LRRC4C: variants seen among roughly 807,000 people sequenced by gnomAD.
LRRC4C encodes the protein leucine rich repeat containing 4C, also known as leucine-rich repeat-containing protein 4C.
In LRRC4C, 5 loss-of-function variants were observed where a neutral mutation model predicts 33.6. The observed-to-expected ratio is 0.15, with a 90% CI of 0.08 to 0.31. LRRC4C has a LOEUF of 0.31. Ranked by LOEUF, LRRC4C falls within the 10% of genes least tolerant of loss-of-function variation. The pLI, the probability that LRRC4C is intolerant of heterozygous loss-of-function variation, is 1.00. For missense variants in LRRC4C, 560 were observed against 796.7 expected (o/e 0.70, Z 3.58); for synonymous variants, 329 against 302.0 (o/e 1.09, Z -0.93).
intron 2 of LRRC4C, among the ~76,000 whole-genome samples, chr11:40,728,195 T>G (rs1411852518): frequency 6.6e-6 from 1 of 152,102 alleles, no homozygotes; most frequent in African/African-American, 2.4e-5. Flanking sequence ...ACACTCTTGG[T>G]GGGAATGTAA....
At chr11:40,492,139 C>T (rs1410697728) in intron 3 of LRRC4C, among the ~76,000 whole-genome samples, 1 of 152,142 alleles carries the variant, frequency 6.6e-6, no homozygotes, top group African/African-American at 2.4e-5. Flanking sequence ...CATATAATTG[C>T]AAGTGTTTAC....
chr11:40,921,767 A>T (rs1957191035), intron 2 of LRRC4C, among the ~76,000 whole-genome samples: 2 of 152,192 alleles, frequency 1.3e-5, no homozygotes, highest in Non-Finnish European at 2.9e-5. Flanking sequence ...AACATTACCA[A>T]TCTGGTTGTT....
At chr11:41,412,743 C>T (rs577939103) in intron 1 of LRRC4C, among the ~76,000 whole-genome samples, 30 of 152,196 alleles carry the variant, frequency 2.0e-4, no homozygotes, top group African/African-American at 7.0e-4. Context: ...GTACTAGGAG[C>T]CCTTAACTTC....
intron 2 of LRRC4C, among the ~76,000 whole-genome samples, chr11:40,846,189 C>T (rs746790026): frequency 3.9e-5 from 6 of 151,928 alleles, no homozygotes; most frequent in Non-Finnish European, 1.5e-5. Flanking sequence ...TTAATTAGAT[C>T]CTATTTGCCT....
At chr11:41,273,149 T>A (rs1949372085) in intron 1 of LRRC4C, among the ~76,000 whole-genome samples, 1 of 152,084 alleles carries the variant, frequency 6.6e-6, no homozygotes, top group Non-Finnish European at 1.5e-5. Flanking sequence ...ATAACAAATG[T>A]TAGTGAGGAT....
chr11:40,511,204 T>G (rs1382596776), intron 3 of LRRC4C, among the ~76,000 whole-genome samples: 1 of 152,180 alleles, frequency 6.6e-6, no homozygotes, highest in Non-Finnish European at 1.5e-5. Flanking sequence ...AAGCCCACAA[T>G]GGTTTTAAAG....
At chr11:40,642,624 A>G (rs890955402) in intron 3 of LRRC4C, among the ~76,000 whole-genome samples, 4 of 152,186 alleles carry the variant, frequency 2.6e-5, no homozygotes, top group African/African-American at 4.8e-5. Flanking sequence ...TTATTTCTGT[A>G]TCATACATAT....
intron 4 of LRRC4C, among the ~76,000 whole-genome samples, chr11:40,300,323 T>C (rs1944709867): frequency 6.6e-6 from 1 of 152,172 alleles, no homozygotes; most frequent in Admixed American, 6.5e-5. Flanking sequence ...TCAGAAACGC[T>C]AATGTGTTCA....
At chr11:40,310,045 C>T (rs1162649116) in intron 4 of LRRC4C, among the ~76,000 whole-genome samples, 1 of 152,124 alleles carries the variant, frequency 6.6e-6, no homozygotes, top group Non-Finnish European at 1.5e-5. Flanking sequence ...CTCACTAACT[C>T]GGTTAGCTTG....
At chr11:41,459,212 G>T (rs897424088) in intron 1 of LRRC4C, among the ~76,000 whole-genome samples, 1 of 152,066 alleles carries the variant, frequency 6.6e-6, no homozygotes, top group African/African-American at 2.4e-5. Context: ...AACAAGAGAG[G>T]TACAAAAATG....
chr11:40,430,696 C>A (rs939713559), intron 3 of LRRC4C, among the ~76,000 whole-genome samples: 1 of 152,026 alleles, frequency 6.6e-6, no homozygotes, highest in Non-Finnish European at 1.5e-5. Flanking sequence ...TTACTGACAA[C>A]CTTGCCTTCT....
intron 2 of LRRC4C, among the ~76,000 whole-genome samples, chr11:40,664,551 A>AC (rs1943618501): frequency 6.6e-6 from 1 of 151,972 alleles, no homozygotes; most frequent in South Asian, 2.1e-4. Context: ...TCTCAAAAAA[A>AC]AATGTGAGAA....
intron 1 of LRRC4C, among the ~76,000 whole-genome samples, chr11:41,080,709 A>T (rs113026591): frequency 1.8e-4 from 28 of 152,244 alleles, no homozygotes; most frequent in African/African-American, 6.7e-4. Flanking sequence ...AAAAATTATC[A>T]CTATCTTTGA....
chr11:40,291,886 T>A (rs2136574890), intron 4 of LRRC4C, among the ~76,000 whole-genome samples: 1 of 151,582 alleles, frequency 6.6e-6, no homozygotes, highest in East Asian at 1.9e-4. Flanking sequence ...GGAGTGTCAG[T>A]CACACAGCAC....
intron 5 of LRRC4C, among the ~76,000 whole-genome samples, chr11:40,147,827 A>G (rs545245234): frequency 7.2e-4 from 109 of 152,156 alleles, no homozygotes; most frequent in Non-Finnish European, 9.4e-4. Context: ...GTTGTTGTAC[A>G]GATTATTTCA....
intron 3 of LRRC4C, among the ~76,000 whole-genome samples, chr11:40,347,986 G>A (rs1212726175): frequency 6.6e-6 from 1 of 152,176 alleles, no homozygotes; most frequent in Non-Finnish European, 1.5e-5. Flanking sequence ...AAGAAATTGG[G>A]AGGCCCCAGA....
chr11:40,177,630 C>T (rs1335919465), intron 5 of LRRC4C, among the ~76,000 whole-genome samples: 1 of 152,126 alleles, frequency 6.6e-6, no homozygotes, highest in Non-Finnish European at 1.5e-5. Flanking sequence ...GTCACTTTCC[C>T]ATAAAACCTT....
chr11:41,364,579 A>G (rs918173762), intron 1 of LRRC4C, among the ~76,000 whole-genome samples: 1 of 152,150 alleles, frequency 6.6e-6, no homozygotes, highest in Non-Finnish European at 1.5e-5. Context: ...CAGAACACAC[A>G]TAAGAGTATG....
chr11:41,459,352 T>C (rs1306907167), intron 1 of LRRC4C, 79 bp downstream of exon 1: 1 of 152,020 alleles, frequency 6.6e-6, no homozygotes, highest in Non-Finnish European at 1.5e-5. Context: ...AAACTGCATA[T>C]ACATTTCCGA....
Sources: allele counts gnomAD v4.1 joint callset (sites outside exome capture counted in the v4.1 genomes callset), GRCh38; gene constraint gnomAD v4.1.1; transcripts MANE v1.5; gene names NCBI Gene and HGNC (gene_info 2026-07-23, HGNC 2026-07-21).